GDNF: variants seen among roughly 807,000 people sequenced by gnomAD.
GDNF encodes the protein glial cell derived neurotrophic factor.
A neutral mutation model predicts 13.7 loss-of-function variants in GDNF; 5 were observed. The ratio of observed to expected loss-of-function variants is 0.36; its 90% CI spans 0.19 to 0.77. The LOEUF is 0.77. GDNF is among the 30% of genes least tolerant of loss of function. GDNF has a pLI of 0.51. For synonymous variants in GDNF, 122 were observed against 112.5 expected (o/e 1.08, Z -0.53); for missense variants, 246 against 274.3 (o/e 0.90, Z 0.73).
intron 2 of GDNF, among the ~76,000 whole-genome samples, chr5:37,834,221 A>G (rs1293558305): frequency 6.6e-6 from 1 of 152,246 alleles, no homozygotes; most frequent in African/African-American, 2.4e-5. Context: ...TTTAGGATGA[A>G]AGTGCAATAG....
Position 37,815,905 on chromosome 5 carries a change from T to C in GDNF, c.382A>G (p.Thr128Ala), listed in dbSNP as rs749624051. Residue 128 changes from threonine (T) to alanine (A), a missense_variant, in exon 3 of 3, where the codon ACT (threonine) becomes GCT (alanine). Transcript: ENST00000326524. This position sits in a 1 kb window ranked among gnomAD's most constrained non-coding sequence, Gnocchi z 5.0. ...GTTTCATAGCCCAGACCCAAGTCAG[T>C]GACATTTAAATGTATTGCAGTTAAG... ...CVLTAIHLNVTDLGLGYETKE... is the reference protein window; with the variant it reads ...CVLTAIHLNVADLGLGYETKE... The C allele has an allele frequency of 1.2e-6, 2 of 1,614,166 alleles. No homozygotes were observed. Among genetic ancestry groups the C allele is most frequent in the Admixed American group, 1.7e-5 (1 of 60,026 alleles).
intron 2 of GDNF, among the ~76,000 whole-genome samples, chr5:37,833,373 G>C (rs559393594): frequency 6.6e-6 from 1 of 152,204 alleles, no homozygotes; most frequent in South Asian, 2.1e-4. Flanking sequence ...TTAATTGACA[G>C]ACACTCTTGG....
At chr5:37,826,059 T>A (rs1452292635) in intron 2 of GDNF, among the ~76,000 whole-genome samples, 1 of 152,156 alleles carries the variant, frequency 6.6e-6, no homozygotes, top group Non-Finnish European at 1.5e-5. Flanking sequence ...CTGAGTGTCA[T>A]GGGCTGGCAG....
At chr5:37,834,563 T>C (rs922322555) in intron 2 of GDNF, 83 bp downstream of exon 2, 7 of 1,221,448 alleles carry the variant, frequency 5.7e-6, no homozygotes, top group Middle Eastern at 2.9e-4. Flanking sequence ...CAGGCTGGCT[T>C]GGGGTACGTG....
At chr5:37,832,513 C>A (rs1211526330) in intron 2 of GDNF, among the ~76,000 whole-genome samples, 2 of 152,156 alleles carry the variant, frequency 1.3e-5, no homozygotes, top group Non-Finnish European at 2.9e-5. Context: ...CCTCTGGGAT[C>A]TATTGGGTCT....
rs568036610 is a variant in GDNF at position 37,838,480 on chromosome 5, C to T, written c.-27+1027G>A. Among the ~76,000 whole-genome samples, 22 of 152,368 alleles carry T rather than the reference C, an allele frequency of 1.4e-4. No homozygotes were observed. The highest frequency in any genetic ancestry group is 7.8e-4 in the Admixed American group (12 of 15,306). On this transcript the variant is annotated intron_variant, in intron 1 of 2. Coordinates refer to ENST00000326524, the MANE Select transcript of GDNF (RefSeq NM_000514.4). The surrounding 1 kb of genome is among the most constrained non-coding windows in gnomAD (Gnocchi z 4.1). ...AAGAGTCGAGCGCGTTCTAACATCT[C>T]CGCAGCAGGGGCCGGAAGAGTTGCC... is the stretch of plus-strand genomic sequence containing the variant.
At chr5:37,834,091 A>C (rs1750613184) in intron 2 of GDNF, among the ~76,000 whole-genome samples, 1 of 152,224 alleles carries the variant, frequency 6.6e-6, no homozygotes, top group East Asian at 1.9e-4. Context: ...GAACAGAGGA[A>C]CTTTTCTGAA....
chr5:37,818,896 C>T (rs530503995), intron 2 of GDNF, among the ~76,000 whole-genome samples: 1 of 152,258 alleles, frequency 6.6e-6, no homozygotes, highest in Non-Finnish European at 1.5e-5. Context: ...AAGATTCCTC[C>T]CCAGCCCCTA....
In GDNF at chr5:37,815,570, G is replaced by A; in HGVS notation, c.*81C>T. On this transcript the variant is annotated 3_prime_UTR_variant, in exon 3 of 3. Transcript: ENST00000326524. This position sits in a 1 kb window ranked among gnomAD's most constrained non-coding sequence, Gnocchi z 5.0. ...TCCTTGGTCCTCATCTTCCATTCTGGGCAAACATTTCCTGGGAACCTTGGT... is the reference window on the plus strand; with the variant it reads ...TCCTTGGTCCTCATCTTCCATTCTGAGCAAACATTTCCTGGGAACCTTGGT... The A allele has an allele frequency of 7.5e-7, 1 of 1,335,668 alleles. No individual in the cohort carries two copies. The highest frequency in any genetic ancestry group is 1.1e-6 in the Non-Finnish European group (1 of 931,504). 82.7% of individuals were successfully genotyped at this position (1,335,668 alleles called of 1,614,324 possible). A position where few individuals can be genotyped will look rare whatever the true frequency, so the allele number is the denominator to read the frequency against.
chr5:37,838,897 G>A lies in GDNF; in HGVS notation c.-27+610C>T, dbSNP rs1212791575. Among the ~76,000 whole-genome samples the A allele has an allele frequency of 2.0e-5, 3 of 152,142 alleles. No homozygotes were observed. Among genetic ancestry groups the A allele is most frequent in the African/African-American group, 7.2e-5 (3 of 41,436 alleles). ...GCAAGAAAGCCCCTCTCCTAACCTC[G>A]ACGGGGATGGTTAGTTGGGGTGGAG... On this transcript the variant is annotated intron_variant, in intron 1 of 2. Transcript: ENST00000326524. The surrounding 1 kb of genome is among the most constrained non-coding windows in gnomAD (Gnocchi z 4.1).
In GDNF at chr5:37,814,500, T is replaced by G. The variant is rs1409261860; in HGVS notation, c.*1151A>C. ...TTTCTTAAAAAGGTAAAGTAAGTGA[T>G]TTTTGCCTGGCAAAAAACTTTTTAA... On this transcript the variant is annotated 3_prime_UTR_variant, in exon 3 of 3. Transcript: ENST00000326524. The G allele has an allele frequency of 6.6e-6, 1 of 152,208 alleles. No homozygotes were observed. The highest frequency in any genetic ancestry group is 1.9e-4 in the East Asian group (1 of 5,198). 9.4% of individuals were successfully genotyped at this position (152,208 alleles called of 1,614,324 possible).
Position 37,837,912 on chromosome 5 carries a change from T to C in GDNF, c.-27+1595A>G, listed in dbSNP as rs995825804. On this transcript the variant is annotated intron_variant, in intron 1 of 2. Transcript: ENST00000326524. The surrounding 1 kb of genome is among the most constrained non-coding windows in gnomAD (Gnocchi z 6.5). ...GTGCCTGGCAGGCTGGGAGGTTTGT[T>C]TGGGCTTTGCCTTCAAGATCCAGGT... 1.3e-5 allele frequency among the ~76,000 whole-genome samples: 2 copies of C among 152,062 alleles called. No homozygotes were observed. The highest frequency in any genetic ancestry group is 2.4e-5 in the African/African-American group (1 of 41,384).
intron 2 of GDNF, among the ~76,000 whole-genome samples, chr5:37,818,927 C>T (rs1010328381): frequency 9.2e-5 from 14 of 152,198 alleles, no homozygotes; most frequent in South Asian, 8.3e-4. Context: ...CCCTGCCCTG[C>T]GCCTCCCCCT....
chr5:37,831,696 T>C (rs1159240136), intron 2 of GDNF, among the ~76,000 whole-genome samples: 1 of 152,226 alleles, frequency 6.6e-6, no homozygotes, highest in Non-Finnish European at 1.5e-5. Flanking sequence ...TTTGCCTCTT[T>C]AGGTTTCAGG....
At chr5:37,822,419 C>T (rs534435854) in intron 2 of GDNF, among the ~76,000 whole-genome samples, 5 of 152,266 alleles carry the variant, frequency 3.3e-5, no homozygotes, top group Middle Eastern at 3.4e-3. Flanking sequence ...GCTGCCTGAG[C>T]CAAGGCCACA....
intron 2 of GDNF, among the ~76,000 whole-genome samples, chr5:37,831,391 A>T (rs1750518933): frequency 6.6e-6 from 1 of 152,244 alleles, no homozygotes; most frequent in South Asian, 2.1e-4. Flanking sequence ...CTATTTGGTG[A>T]ATGTATATGT....
In GDNF at chr5:37,838,804, A is replaced by G. The variant is rs1750797949; in HGVS notation, c.-27+703T>C. 6.6e-6 allele frequency among the ~76,000 whole-genome samples: 1 copy of G among 152,234 alleles called. No homozygotes were observed. The highest frequency in any genetic ancestry group is 2.4e-5 in the African/African-American group (1 of 41,466). ...TACAGGAGAAAAAGGGGTCATTAAA[A>G]TAATAACCTCAATGGCCTAGTGGAG... is the stretch of plus-strand genomic sequence containing the variant. On this transcript the variant is annotated intron_variant, in intron 1 of 2. Transcript: ENST00000326524. This position sits in a 1 kb window ranked among gnomAD's most constrained non-coding sequence, Gnocchi z 4.1.
At position 37,814,516 on chromosome 5, in the gene GDNF, A is replaced by G. The variant is rs1352519936; in HGVS notation, c.*1135T>C. 2 of 152,246 alleles carry G rather than the reference A, an allele frequency of 1.3e-5. No homozygotes were observed. Among genetic ancestry groups the G allele is most frequent in the African/African-American group, 4.8e-5 (2 of 41,462 alleles). 9.4% of individuals were successfully genotyped at this position (152,246 alleles called of 1,614,324 possible). A position where few individuals can be genotyped will look rare whatever the true frequency, so the allele number is the denominator to read the frequency against. On this transcript the variant is annotated 3_prime_UTR_variant, in exon 3 of 3. Coordinates refer to ENST00000326524, the MANE Select transcript of GDNF (RefSeq NM_000514.4). ...AGTAAGTGATTTTTGCCTGGCAAAA[A>G]ACTTTTTAATACTTTGAAAAGCATG...
Position 37,838,287 on chromosome 5 carries a change from T to C in GDNF, c.-27+1220A>G, listed in dbSNP as rs1750779767. On this transcript the variant is annotated intron_variant, in intron 1 of 2. Transcript: ENST00000326524. This position sits in a 1 kb window ranked among gnomAD's most constrained non-coding sequence, Gnocchi z 4.1. ...GGACTTCCCAGAGATCGGACACTTG[T>C]TACTTGTTGAAAAGGCGCCACCTTC... is the stretch of plus-strand genomic sequence containing the variant. Among the ~76,000 whole-genome samples the C allele has an allele frequency of 6.6e-6, 1 of 152,112 alleles. No homozygotes were observed. The highest frequency in any genetic ancestry group is 2.4e-5 in the African/African-American group (1 of 41,414).
Sources: allele counts gnomAD v4.1 joint callset (sites outside exome capture counted in the v4.1 genomes callset), GRCh38; gene constraint gnomAD v4.1.1; non-coding constraint Gnocchi (gnomAD v3.1); transcripts MANE v1.5; gene names NCBI Gene and HGNC (gene_info 2026-07-23, HGNC 2026-07-21).